Variants in HRH1 observed in about 807,000 individuals in gnomAD.
HRH1 encodes histamine H1 receptor.
HRH1 carries 6 observed loss-of-function variants against 10.3 expected under a neutral mutation model. The observed-to-expected ratio is 0.58, with a 90% CI of 0.32 to 1.15. The LOEUF (loss-of-function observed/expected upper bound fraction) is 1.15. HRH1 is among the 50% of genes most tolerant of loss of function. The pLI, the probability that HRH1 is intolerant of heterozygous loss-of-function variation, is 0.05. For missense variants in HRH1, 514 were observed against 615.3 expected (o/e 0.84, Z 1.74); for synonymous variants, 242 against 236.7 (o/e 1.02, Z -0.21).
chr3:11,225,789 G>A (rs116606683), intron 1 of HRH1, among the ~76,000 whole-genome samples: 2,787 of 152,306 alleles, frequency 0.018, 27 homozygotes, highest in Non-Finnish European at 0.028. Flanking sequence ...GGGTTCAGGC[G>A]ACTCACATGC....
At chr3:11,223,539 A>G (rs886600213) in intron 1 of HRH1, among the ~76,000 whole-genome samples, 2 of 151,972 alleles carry the variant, frequency 1.3e-5, no homozygotes, top group Non-Finnish European at 2.9e-5. Flanking sequence ...AGCTCTCCGA[A>G]TTTCAACACC....
intron 1 of HRH1, among the ~76,000 whole-genome samples, chr3:11,255,593 A>C (rs1265638793): frequency 6.6e-6 from 1 of 152,232 alleles, no homozygotes; most frequent in Non-Finnish European, 1.5e-5. Context: ...GATGTGCCCA[A>C]AGTGGTCAGA....
intron 1 of HRH1, among the ~76,000 whole-genome samples, chr3:11,211,675 G>A (rs1938331123): frequency 1.3e-5 from 2 of 152,198 alleles, no homozygotes; most frequent in African/African-American, 2.4e-5. Context: ...AATGAAGAGA[G>A]TTGGAATGGA....
intron 1 of HRH1, among the ~76,000 whole-genome samples, chr3:11,255,862 C>G (rs1262738311): frequency 6.6e-6 from 1 of 152,224 alleles, no homozygotes; most frequent in Non-Finnish European, 1.5e-5. Flanking sequence ...TTGCCCTAAG[C>G]AGTTCCCAAC....
chr3:11,190,364 TA>T (rs113044329), intron 1 of HRH1, among the ~76,000 whole-genome samples: 10,756 of 142,112 alleles, frequency 0.076, 482 homozygotes, highest in African/African-American at 0.14. Flanking sequence ...TATATATATA[TA>T]TTTTTTAATT....
intron 1 of HRH1, among the ~76,000 whole-genome samples, chr3:11,214,598 GTCATTCATTCAT>G (rs370606152): frequency 6.6e-6 from 1 of 152,172 alleles, no homozygotes. Flanking sequence ...ACCATGCATT[GTCATTCATTCAT>G]TCATTCATTC....
At chr3:11,211,504 A>T (rs1390671813) in intron 1 of HRH1, among the ~76,000 whole-genome samples, 1 of 152,260 alleles carries the variant, frequency 6.6e-6, no homozygotes, top group African/African-American at 2.4e-5. Context: ...CATTTCTGTT[A>T]TACTTCATGA....
At chr3:11,232,019 G>A (rs1939055661) in intron 1 of HRH1, among the ~76,000 whole-genome samples, 1 of 148,218 alleles carries the variant, frequency 6.7e-6, no homozygotes. Context: ...TTTAGACTGA[G>A]TCTCGCTCTG....
intron 1 of HRH1, chr3:11,253,039 A>G (rs1165637526): frequency 6.6e-6 from 1 of 152,196 alleles, no homozygotes; most frequent in East Asian, 1.9e-4. Flanking sequence ...TGCTTCTGGA[A>G]TTAACAGAAA....
intron 1 of HRH1, among the ~76,000 whole-genome samples, chr3:11,160,343 A>T (rs1455852462): frequency 1.3e-5 from 2 of 152,192 alleles, no homozygotes; most frequent in Non-Finnish European, 2.9e-5. Flanking sequence ...AGTGCCAGGC[A>T]CTGTCCTAAC....
At chr3:11,138,016 A>G (rs754164311) in intron 1 of HRH1, among the ~76,000 whole-genome samples, 6 of 151,858 alleles carry the variant, frequency 4.0e-5, no homozygotes, top group Non-Finnish European at 8.8e-5. Flanking sequence ...AGAATACACA[A>G]GGAACTCTTT....
chr3:11,220,496 T>C (rs1270626482), intron 1 of HRH1, among the ~76,000 whole-genome samples: 1 of 152,228 alleles, frequency 6.6e-6, no homozygotes, highest in Non-Finnish European at 1.5e-5. Context: ...CTGCAGCCAC[T>C]CCAGCAGGCA....
chr3:11,149,347 T>C (rs1273630260), intron 1 of HRH1, among the ~76,000 whole-genome samples: 1 of 152,242 alleles, frequency 6.6e-6, no homozygotes, highest in Non-Finnish European at 1.5e-5. Context: ...CCACTGTACA[T>C]ACCTTTTTAT....
chr3:11,177,870 AAAC>A (rs1217123431), intron 1 of HRH1, among the ~76,000 whole-genome samples: 3 of 152,190 alleles, frequency 2.0e-5, no homozygotes, highest in Non-Finnish European at 4.4e-5. Flanking sequence ...GCCTCTCTCC[AAAC>A]AGCAGATTCT....
intron 1 of HRH1, among the ~76,000 whole-genome samples, chr3:11,238,458 A>G (rs1001005965): frequency 2.6e-5 from 4 of 152,230 alleles, no homozygotes; most frequent in African/African-American, 9.6e-5. Flanking sequence ...GCACTGGTGT[A>G]GTGAAATAGA....
intron 1 of HRH1, among the ~76,000 whole-genome samples, chr3:11,164,131 AG>A: frequency 6.6e-6 from 1 of 152,356 alleles, no homozygotes; most frequent in South Asian, 2.1e-4. Flanking sequence ...AAAGACATGG[AG>A]GGAGAACAGC....
intron 1 of HRH1, among the ~76,000 whole-genome samples, chr3:11,205,893 C>T (rs1383164670): frequency 6.6e-6 from 1 of 152,114 alleles, no homozygotes; most frequent in Non-Finnish European, 1.5e-5. Flanking sequence ...AACTCCTGAC[C>T]TCGTGATCCG....
intron 1 of HRH1, among the ~76,000 whole-genome samples, chr3:11,142,994 C>T (rs1173448230): frequency 4.6e-5 from 7 of 151,998 alleles, no homozygotes; most frequent in Non-Finnish European, 8.8e-5. Flanking sequence ...TAGAGAACAG[C>T]GAGTGCAAAG....
At chr3:11,244,630 A>G (rs1416830575) in intron 1 of HRH1, among the ~76,000 whole-genome samples, 2 of 152,280 alleles carry the variant, frequency 1.3e-5, no homozygotes, top group East Asian at 3.8e-4. Context: ...TAGGTAAATA[A>G]TTGCATTGCC....
Sources: allele counts gnomAD v4.1 joint callset (sites outside exome capture counted in the v4.1 genomes callset), GRCh38; gene constraint gnomAD v4.1.1; transcripts MANE v1.5; gene names NCBI Gene and HGNC (gene_info 2026-07-23, HGNC 2026-07-21).